AGBL4: variants seen among roughly 807,000 people sequenced by gnomAD.
AGBL4 encodes AGBL carboxypeptidase 4.
Under a neutral mutation model 66.4 loss-of-function variants are expected in AGBL4, and 58 were observed. That is an observed-to-expected ratio of 0.87 (90% CI 0.71 to 1.09). The LOEUF (loss-of-function observed/expected upper bound fraction) is 1.09. Ranked by LOEUF, AGBL4 falls within the 50% of genes least tolerant of loss-of-function variation. The pLI is 0.00. For synonymous variants in AGBL4, 234 were observed against 222.9 expected, an observed-to-expected ratio of 1.05 and a Z score of -0.44; for missense variants, 579 against 631.0, an observed-to-expected ratio of 0.92 and a Z score of 0.88.
At chr1:49,684,894 T>C (rs1420968901) in intron 3 of AGBL4, among the ~76,000 whole-genome samples, 1 of 152,204 alleles carries the variant, frequency 6.6e-6, no homozygotes, top group East Asian at 1.9e-4. Context: ...AAACTTTCAT[T>C]TTTATTTTTT....
At chr1:48,982,584 C>T (rs1252137524) in intron 5 of AGBL4, among the ~76,000 whole-genome samples, 1 of 152,116 alleles carries the variant, frequency 6.6e-6, no homozygotes, top group Admixed American at 6.5e-5. Flanking sequence ...GCCACATTTT[C>T]TTAATCCAGT....
Position 49,864,347 on chromosome 1 carries a change from T to C in AGBL4, c.35-12829A>G, listed in dbSNP as rs144111158. On this transcript the variant is annotated intron_variant, in intron 1 of 13. Transcript: ENST00000371839. Reference sequence around the variant, plus strand: ...AGAAAGAATGAATATGACCTACTATTTGATAGCATCACAGGATGACTATAG... The same window carrying C: ...AGAAAGAATGAATATGACCTACTATCTGATAGCATCACAGGATGACTATAG... 1.4e-3 allele frequency among the ~76,000 whole-genome samples: 207 copies of C among 152,232 alleles called. 1 individual carries two copies. Among genetic ancestry groups the C allele is most frequent in the African/African-American group, 4.8e-3 (201 of 41,542 alleles).
intron 3 of AGBL4, among the ~76,000 whole-genome samples, chr1:49,564,861 T>G (rs1366684928): frequency 2.0e-5 from 3 of 152,216 alleles, no homozygotes; most frequent in Non-Finnish European, 4.4e-5. Flanking sequence ...CTGGATATCC[T>G]TCTTAACTTT....
intron 2 of AGBL4, chr1:49,845,023 G>C: frequency 7.0e-7 from 1 of 1,437,948 alleles, no homozygotes. Context: ...TGGAAAAAGG[G>C]AGAAGCCAGA....
intron 2 of AGBL4, among the ~76,000 whole-genome samples, chr1:49,777,041 C>G (rs1034553816): frequency 2.0e-5 from 3 of 151,990 alleles, no homozygotes; most frequent in Non-Finnish European, 4.4e-5. Context: ...ATTTGTTGAA[C>G]AAGAAAGGAC....
intron 3 of AGBL4, among the ~76,000 whole-genome samples, chr1:49,580,827 T>C (rs751546641): frequency 2.0e-5 from 3 of 152,220 alleles, no homozygotes; most frequent in African/African-American, 4.8e-5. Flanking sequence ...AATGTCTAAT[T>C]GTAATATGCC....
chr1:49,777,462 T>G (rs1644226645), intron 2 of AGBL4, among the ~76,000 whole-genome samples: 1 of 152,154 alleles, frequency 6.6e-6, no homozygotes, highest in Admixed American at 6.5e-5. Flanking sequence ...ATGCACAAAC[T>G]TTTTACAGCA....
intron 6 of AGBL4, among the ~76,000 whole-genome samples, chr1:48,803,065 C>T (rs754173883): frequency 2.6e-5 from 4 of 152,110 alleles, no homozygotes. Context: ...TTGATTATTC[C>T]CACTAGTGAA....
chr1:48,522,797 G>A, the AGBL4 span, among the ~76,000 whole-genome samples: 2 of 151,980 alleles, frequency 1.3e-5, no homozygotes, highest in African/African-American at 4.8e-5. Context: ...ATGGTGGAGT[G>A]CACCTGTAAT....
At chr1:49,208,595 G>A (rs1162181462) in intron 4 of AGBL4, among the ~76,000 whole-genome samples, 1 of 152,070 alleles carries the variant, frequency 6.6e-6, no homozygotes, top group African/African-American at 2.4e-5. Context: ...ATTCTTGGTT[G>A]TTGTCTAACA....
At chr1:49,564,788 T>C (rs1038359705) in intron 3 of AGBL4, among the ~76,000 whole-genome samples, 2 of 152,216 alleles carry the variant, frequency 1.3e-5, no homozygotes. Flanking sequence ...ATTCTGTTGA[T>C]TTGGGGTGGA....
intron 1 of AGBL4, among the ~76,000 whole-genome samples, chr1:49,885,739 T>C (rs1434736613): frequency 6.6e-6 from 1 of 152,044 alleles, no homozygotes; most frequent in African/African-American, 2.4e-5. Flanking sequence ...AGAATAAGGA[T>C]ATACAAACAA....
chr1:49,362,309 C>T (rs1223416395), intron 3 of AGBL4, among the ~76,000 whole-genome samples: 2 of 152,004 alleles, frequency 1.3e-5, no homozygotes, highest in Non-Finnish European at 2.9e-5. Context: ...TACAACCAGC[C>T]TCTCAAATTT....
intron 4 of AGBL4, among the ~76,000 whole-genome samples, chr1:49,085,499 T>C (rs146784638): frequency 1.3e-5 from 2 of 152,010 alleles, no homozygotes; most frequent in East Asian, 3.9e-4. Context: ...AAAATATCTA[T>C]CTAGGAGTTG....
Position 49,363,289 on chromosome 1 carries a change from C to A in AGBL4, c.283-117425G>T, listed in dbSNP as rs141020243. On this transcript the variant is annotated intron_variant, in intron 3 of 13. Transcript: ENST00000371839. ...GTTCTCTTCATAAAGCAGATTCTTA[C>A]TGATGTCACATGGGCCTTGTCTAAT... 2.0e-4 allele frequency among the ~76,000 whole-genome samples: 31 copies of A among 152,326 alleles called. No homozygotes were observed. The East Asian group carries it at 5.8e-3, about 28-fold the overall frequency.
chr1:48,905,505 A>G (rs996756929), intron 5 of AGBL4, among the ~76,000 whole-genome samples: 1 of 152,204 alleles, frequency 6.6e-6, no homozygotes, highest in African/African-American at 2.4e-5. Context: ...TCTCATATAG[A>G]AGGTTTCTGA....
intron 3 of AGBL4, among the ~76,000 whole-genome samples, chr1:49,571,710 T>C (rs1228711316): frequency 6.6e-6 from 1 of 152,278 alleles, no homozygotes; most frequent in African/African-American, 2.4e-5. Context: ...TGTCAGTTTT[T>C]AGTATATGGC....
intron 1 of AGBL4, among the ~76,000 whole-genome samples, chr1:49,920,890 C>T (rs570641791): frequency 6.6e-5 from 10 of 152,322 alleles, no homozygotes; most frequent in African/African-American, 2.4e-4. Context: ...CACACATACA[C>T]CATGGAATAC....
intron 11 of AGBL4, among the ~76,000 whole-genome samples, chr1:48,577,696 C>CAA (rs527935817): frequency 6.6e-6 from 1 of 151,680 alleles, no homozygotes; most frequent in Non-Finnish European, 1.5e-5. Context: ...CCGGGCACTG[C>CAA]AGAGAGAGAG....
Sources: gnomAD v4.1 joint callset for allele counts (sites outside exome capture counted in the v4.1 genomes callset) on GRCh38, gnomAD v4.1.1 for gene constraint, MANE v1.5 for transcripts, NCBI Gene and HGNC (gene_info 2026-07-23, HGNC 2026-07-21) for gene names.